The following NPIPA5 variants were observed in gnomAD, a reference collection of about 807,000 sequenced individuals.
NPIPA5 encodes nuclear pore complex-interacting protein family member A5.
Under a neutral mutation model 21.4 loss-of-function variants are expected in NPIPA5, and 6 were observed. The ratio of observed to expected loss-of-function variants is 0.28; its 90% CI spans 0.15 to 0.55. The LOEUF is 0.55. Among genes scored for constraint, NPIPA5 ranks in the 20% least tolerant of loss-of-function variants. The pLI is 0.93. For missense variants in NPIPA5, 99 were observed against 318.2 expected (o/e 0.31, Z 5.24); for synonymous variants, 33 against 115.3 (o/e 0.29, Z 4.57).
upstream of NPIPA5, chr16:15,380,957 C>T: frequency 4.8e-6 from 7 of 1,449,800 alleles, no homozygotes; most frequent in Non-Finnish European, 6.4e-6. Context: ...GGGCATGTCA[C>T]TGACTTTACG....
At chr16:15,369,135 G>A (rs1368262362) in intron 4 of NPIPA5, among the ~76,000 whole-genome samples, 1 of 147,700 alleles carries the variant, frequency 6.8e-6, no homozygotes, top group South Asian at 2.2e-4. Context: ...CTGGGCGACA[G>A]AGCGAGACTC....
intron 1 of NPIPA5, among the ~76,000 whole-genome samples, chr16:15,375,500 T>A (rs1233938570): frequency 6.6e-6 from 1 of 151,502 alleles, no homozygotes; most frequent in East Asian, 2.0e-4. Context: ...TCCCAGCACT[T>A]TGGGAAGCCG....
In NPIPA5 at chr16:15,368,319, G is replaced by A. The variant is rs1187329303; in HGVS notation, c.437+1393C>T. ...CAGGAAATACCCTGGCCTTTGTAGG[G>A]ACTGAGCCTGCACAGACGACCTCAA... On this transcript the variant is annotated intron_variant, in intron 4 of 7. Transcript: ENST00000360151. Among the ~76,000 whole-genome samples, 13 of 151,722 alleles carry A rather than the reference G, an allele frequency of 8.6e-5. No individual in the cohort carries two copies. In the South Asian group the frequency reaches 2.7e-3, roughly 32 times the overall value.
At chr16:15,372,626 A>T (rs2050186971) in intron 2 of NPIPA5, among the ~76,000 whole-genome samples, 1 of 145,964 alleles carries the variant, frequency 6.9e-6, no homozygotes, top group South Asian at 2.2e-4. Context: ...CATATCTTGA[A>T]AGGCAGTGCC....
At chr16:15,367,485 G>T (rs953733328) in intron 4 of NPIPA5, among the ~76,000 whole-genome samples, 1 of 151,926 alleles carries the variant, frequency 6.6e-6, no homozygotes, top group Non-Finnish European at 1.5e-5. Context: ...CTTTAACAAG[G>T]TTCAGTTCAC....
chr16:15,367,552 C>T (rs946807956), intron 4 of NPIPA5, among the ~76,000 whole-genome samples: 1 of 151,824 alleles, frequency 6.6e-6, no homozygotes, highest in Non-Finnish European at 1.5e-5. Context: ...GCTGTGTTGC[C>T]CTCACACCAC....
At position 15,369,417 on chromosome 16, in the gene NPIPA5, G is replaced by A. The variant is rs1302813765; in HGVS notation, c.437+295C>T. Reference sequence around the variant, plus strand: ...AGCTGAGATTGTGCCATTGCACTACGGCCTGGGCAACAAGAGCAAAGCTCC... The same window carrying A: ...AGCTGAGATTGTGCCATTGCACTACAGCCTGGGCAACAAGAGCAAAGCTCC... On this transcript the variant is annotated intron_variant, in intron 4 of 7. Transcript: ENST00000360151. Among the ~76,000 whole-genome samples the A allele has an allele frequency of 3.7e-4, 56 of 150,976 alleles. No homozygotes were observed. The East Asian group carries it at 4.3e-3, about 12-fold the overall frequency.
chr16:15,374,277 C>A (rs1410738378), intron 1 of NPIPA5, among the ~76,000 whole-genome samples: 5 of 150,950 alleles, frequency 3.3e-5, no homozygotes, highest in Non-Finnish European at 1.5e-5. Flanking sequence ...CGGCTCACTG[C>A]AACCTCCAGC....
At chr16:15,370,649 G>A (rs2050128912) in intron 2 of NPIPA5, among the ~76,000 whole-genome samples, 1 of 142,040 alleles carries the variant, frequency 7.0e-6, no homozygotes, top group Non-Finnish European at 1.5e-5. Context: ...TAGTCGGGAG[G>A]CTGAGGCAGG....
rs1428816762 is a variant in NPIPA5 at position 15,372,137 on chromosome 16, G to A, written c.192+1578C>T. On this transcript the variant is annotated intron_variant, in intron 2 of 7. Transcript: ENST00000360151. ...AGATGAGAGGTACAAAGTTGTCCAA[G>A]TCCAACAGCTCAACTGAACTTTCCT... Among the ~76,000 whole-genome samples, 4 of 148,798 alleles carry A rather than the reference G, an allele frequency of 2.7e-5. 1 individual carries two copies. The highest frequency in any genetic ancestry group is 4.5e-5 in the Non-Finnish European group (3 of 67,410).
chr16:15,379,553 C>T (rs2050387352), upstream of NPIPA5, among the ~76,000 whole-genome samples: 1 of 150,820 alleles, frequency 6.6e-6, no homozygotes, highest in Non-Finnish European at 1.5e-5. Flanking sequence ...GGCGACAGAG[C>T]GAGACTCTGT....
At chr16:15,367,320 G>T (rs962782875) in intron 4 of NPIPA5, among the ~76,000 whole-genome samples, 1 of 152,110 alleles carries the variant, frequency 6.6e-6, no homozygotes, top group African/African-American at 2.4e-5. Flanking sequence ...ATTCAGGACT[G>T]GAACTCTTGT....
intron 2 of NPIPA5, among the ~76,000 whole-genome samples, chr16:15,370,767 T>C (rs955765285): frequency 2.1e-5 from 3 of 141,922 alleles, no homozygotes; most frequent in Non-Finnish European, 3.1e-5. Flanking sequence ...AAAAAAAAAA[T>C]AGGCCAGGTG....
At chr16:15,371,372 C>A (rs1212854115) in intron 2 of NPIPA5, among the ~76,000 whole-genome samples, 1 of 146,722 alleles carries the variant, frequency 6.8e-6, no homozygotes, top group Non-Finnish European at 1.5e-5. Flanking sequence ...GAATTCCCAC[C>A]AAGATTTCCA....
chr16:15,381,006 G>A (rs200445401), upstream of NPIPA5: 6 of 1,515,168 alleles, frequency 4.0e-6, no homozygotes, highest in Middle Eastern at 2.3e-4. Context: ...CCTGGTCATG[G>A]GACAGGAACC....
At chr16:15,375,526 G>A (rs2050267673) in intron 1 of NPIPA5, among the ~76,000 whole-genome samples, 1 of 151,184 alleles carries the variant, frequency 6.6e-6, no homozygotes, top group Admixed American at 6.6e-5. Context: ...GGTGGACCAC[G>A]AGATCAGGAG....
intron 2 of NPIPA5, among the ~76,000 whole-genome samples, chr16:15,370,506 C>T (rs1248991052): frequency 6.8e-6 from 1 of 146,830 alleles, no homozygotes; most frequent in African/African-American, 2.5e-5. Context: ...AATCCCAGTA[C>T]TTTGGGAGGC....
intron 2 of NPIPA5, among the ~76,000 whole-genome samples, chr16:15,372,065 C>T (rs2050169388): frequency 6.7e-6 from 1 of 148,608 alleles, no homozygotes. Flanking sequence ...CTTCATGACA[C>T]CCATGATGTC....
chr16:15,376,625 G>T (rs985698498), intron 1 of NPIPA5, among the ~76,000 whole-genome samples: 2 of 150,748 alleles, frequency 1.3e-5, no homozygotes, highest in Non-Finnish European at 1.5e-5. Context: ...TACACTTAAG[G>T]TTATATATTT....
Sources: gnomAD v4.1 joint callset for allele counts (sites outside exome capture counted in the v4.1 genomes callset) on GRCh38, gnomAD v4.1.1 for gene constraint, MANE v1.5 for transcripts, NCBI Gene and HGNC (gene_info 2026-07-23, HGNC 2026-07-21) for gene names.